Variants in LRRIQ4 observed in about 807,000 individuals in gnomAD.
LRRIQ4 encodes leucine rich repeats and IQ motif containing 4, also known as leucine-rich repeat and IQ domain-containing protein 4.
A neutral mutation model predicts 40.1 loss-of-function variants in LRRIQ4; 21 were observed. The ratio of observed to expected loss-of-function variants is 0.52; its 90% confidence interval spans 0.37 to 0.75. LRRIQ4 has a LOEUF of 0.75. Ranked by LOEUF, LRRIQ4 falls within the 30% of genes least tolerant of loss-of-function variation. LRRIQ4 has a pLI of 0.00. For synonymous variants in LRRIQ4, 277 were observed against 277.1 expected (o/e 1.00, Z 0.00); for missense variants, 655 against 660.0 (o/e 0.99, Z 0.08).
At chr3:169,831,698 G>A (rs537875143) in intron 4 of LRRIQ4, among the ~76,000 whole-genome samples, 13 of 151,170 alleles carry the variant, frequency 8.6e-5, no homozygotes, top group Admixed American at 2.6e-4. Flanking sequence ...GGCCAGGCGC[G>A]GTGCTCACGC....
chr3:169,814,040 T>C (rs1779702254), intron 1 of LRRIQ4, among the ~76,000 whole-genome samples: 1 of 152,112 alleles, frequency 6.6e-6, no homozygotes, highest in Non-Finnish European at 1.5e-5. Flanking sequence ...TATAGGCGGC[T>C]TGCGTCAATC....
In LRRIQ4 at chr3:169,825,200, G is replaced by T. The variant is rs530728780; in HGVS notation, c.1020+2259G>T. Reference sequence around the variant, plus strand: ...TTTATGTATTTTTAGTAGAGGCAGGGTTTCACCATATTGGCCAGGCTGGTC... The same window carrying T: ...TTTATGTATTTTTAGTAGAGGCAGGTTTTCACCATATTGGCCAGGCTGGTC... On this transcript the variant is annotated intron_variant, in intron 2 of 5. Transcript: ENST00000340806. Among the ~76,000 whole-genome samples the T allele has an allele frequency of 7.2e-5, 11 of 151,952 alleles. No homozygotes were observed. The South Asian group carries it at 2.1e-3, about 29-fold the overall frequency.
chr3:169,833,622 T>C (rs985935082), intron 5 of LRRIQ4, among the ~76,000 whole-genome samples: 4 of 152,240 alleles, frequency 2.6e-5, no homozygotes, highest in African/African-American at 9.6e-5. Context: ...GTAATTCTGC[T>C]CTAGCCCTTT....
chr3:169,828,531 G>A (rs193166619), intron 2 of LRRIQ4, among the ~76,000 whole-genome samples: 1 of 152,326 alleles, frequency 6.6e-6, no homozygotes, highest in East Asian at 1.9e-4. Flanking sequence ...ACCGCGCCCA[G>A]CCACAAAAAA....
chr3:169,818,024 A>G (rs1290248614), intron 1 of LRRIQ4, among the ~76,000 whole-genome samples: 1 of 152,206 alleles, frequency 6.6e-6, no homozygotes, highest in Non-Finnish European at 1.5e-5. Flanking sequence ...TGGTGGGGCT[A>G]GCCAGAACTC....
intron 4 of LRRIQ4, 124 bp from the exon 5 acceptor site, chr3:169,832,863 A>T (rs1397234295): frequency 2.5e-6 from 2 of 788,066 alleles, no homozygotes; most frequent in African/African-American, 1.7e-5. Flanking sequence ...GGTCTTGTGC[A>T]TCCTTCCTCT....
chr3:169,821,828 A>T, intron 1 of LRRIQ4, 63 bp from the exon 2 acceptor site: 2 of 804,286 alleles, frequency 2.5e-6, no homozygotes, highest in Non-Finnish European at 3.6e-6. Flanking sequence ...TATTTTTCTT[A>T]AGGATAGCAA....
chr3:169,817,162 T>G (rs572271589), intron 1 of LRRIQ4, among the ~76,000 whole-genome samples: 1 of 152,324 alleles, frequency 6.6e-6, no homozygotes, highest in Admixed American at 6.5e-5. Context: ...TCAATAAATT[T>G]TTTAATTTTC....
In LRRIQ4 at chr3:169,815,107, T is replaced by C. The variant is rs142006005; in HGVS notation, c.-32+2061T>C. The stretch of plus-strand genomic sequence containing the variant: ...TTGTTCTTTTTGCTCAGGTTAGCTT[T>C]GGCTATGCTGGATCTTTTGTGGTTT... On this transcript the variant is annotated intron_variant, in intron 1 of 5. Transcript: ENST00000340806. Among the ~76,000 whole-genome samples the C allele has an allele frequency of 6.8e-4, 104 of 152,356 alleles. No individual in the cohort carries two copies. The Middle Eastern group carries it at 0.01, about 15-fold the overall frequency.
chr3:169,837,558 G>A lies in LRRIQ4; in HGVS notation c.1610G>A (p.Gly537Glu), dbSNP rs1560617685. Reference protein sequence around the residue: ...FGELLKPQKKGKTSPKDKKGK... With the variant: ...FGELLKPQKKEKTSPKDKKGK... Reference sequence around the variant, plus strand: ...GAACTACTAAAACCACAAAAGAAAGGAAAGACCTCTCCAAAAGATAAGAAA... The same window carrying A: ...GAACTACTAAAACCACAAAAGAAAGAAAAGACCTCTCCAAAAGATAAGAAA... Residue 537 changes from glycine to glutamate, a missense_variant, in exon 6 of 6, where the codon GGA becomes GAA. Coordinates refer to ENST00000340806, the MANE Select transcript of LRRIQ4 (RefSeq NM_001080460.3). The A allele has an allele frequency of 1.9e-6, 3 of 1,604,748 alleles. No individual in the cohort carries two copies. The highest frequency in any genetic ancestry group is 2.2e-5 in the East Asian group (1 of 44,708).
chr3:169,820,535 CTTTT>C (rs34109206), intron 1 of LRRIQ4, among the ~76,000 whole-genome samples: 2 of 123,596 alleles, frequency 1.6e-5, no homozygotes, highest in Admixed American at 8.8e-5. Context: ...ATATTGACAT[CTTTT>C]TTTTTTTTTT....
chr3:169,830,341 T>C (rs1437178239), intron 3 of LRRIQ4, 151 bp from the exon 4 acceptor site: 1 of 509,834 alleles, frequency 2.0e-6, no homozygotes, highest in African/African-American at 2.2e-5. Flanking sequence ...ACATGCTTTT[T>C]CCCTTAACTC....
rs56795981 is a variant in LRRIQ4, at chr3:169,830,377, G to GAAAAAAAAAAAAAAAAAAAA, written c.1195-102_1195-83dup. ...AATGCGTAATTTCCCCACTGAAAGTGAAAAAAAAAAAAAAAAAAAAAAAAA... is the reference window on the plus strand; with the variant it reads ...AATGCGTAATTTCCCCACTGAAAGTGAAAAAAAAAAAAAAAAAAAAAAAAAAAAAAAAAAAAAAAAAAAAA... On this transcript the variant is annotated intron_variant, in intron 3 of 5. Coordinates refer to ENST00000340806, the MANE Select transcript of LRRIQ4 (RefSeq NM_001080460.3). 53 of 106,676 alleles carry GAAAAAAAAAAAAAAAAAAAA rather than the reference G, an allele frequency of 5.0e-4. 18 individuals are homozygous for GAAAAAAAAAAAAAAAAAAAA. Among genetic ancestry groups the GAAAAAAAAAAAAAAAAAAAA allele is most frequent in the African/African-American group, 1.5e-3 (25 of 17,220 alleles). The allele number at this position is 106,676 out of a possible 1,614,324, so 6.6% of individuals were successfully genotyped here. A position where few individuals can be genotyped will look rare whatever the true frequency, so the allele number is the denominator to read the frequency against.
chr3:169,826,608 T>C (rs2108270919), intron 2 of LRRIQ4, among the ~76,000 whole-genome samples: 1 of 152,264 alleles, frequency 6.6e-6, no homozygotes. Context: ...TTTTGAACAT[T>C]CAATGTGCTT....
At chr3:169,837,159 A>G (rs1416936820) in intron 5 of LRRIQ4, among the ~76,000 whole-genome samples, 1 of 152,212 alleles carries the variant, frequency 6.6e-6, no homozygotes, top group Non-Finnish European at 1.5e-5. Context: ...ACCGTCTGAC[A>G]AATTGAACAT....
chr3:169,836,115 G>C (rs1780297400), intron 5 of LRRIQ4, among the ~76,000 whole-genome samples: 1 of 151,764 alleles, frequency 6.6e-6, no homozygotes, highest in Non-Finnish European at 1.5e-5. Flanking sequence ...TTAAAATCTA[G>C]TAGGAGGGAA....
intron 3 of LRRIQ4, among the ~76,000 whole-genome samples, chr3:169,829,543 G>A (rs531961666): frequency 1.8e-4 from 25 of 141,584 alleles, no homozygotes; most frequent in South Asian, 6.5e-4. Flanking sequence ...ACAGAGTTTC[G>A]CTCTTGTTGC....
rs528606322 is a variant in LRRIQ4 at position 169,825,594 on chromosome 3, C to T, written c.1020+2653C>T. Reference sequence around the variant, plus strand: ...AGTGAAAGACTTAAAATATAAAGTACATGTGGGAGGGATAACACATTATAC... The same window carrying T: ...AGTGAAAGACTTAAAATATAAAGTATATGTGGGAGGGATAACACATTATAC... On this transcript the variant is annotated intron_variant, in intron 2 of 5. Transcript: ENST00000340806. Among the ~76,000 whole-genome samples, 4 of 152,282 alleles carry T rather than the reference C, an allele frequency of 2.6e-5. No homozygotes were observed. The East Asian group carries it at 5.8e-4, about 22-fold the overall frequency.
In LRRIQ4 at chr3:169,822,441, C is replaced by A. The variant is rs371066810; in HGVS notation, c.520C>A (p.Arg174=). The part of the protein sequence containing the change: ...QTKLREIYLK[R]NQFEVFPQEL... ...CAAGCTGAGGGAGATCTACCTGAAGCGAAACCAGTTTGAAGTTTTCCCCCA... is the reference window on the plus strand; with the variant it reads ...CAAGCTGAGGGAGATCTACCTGAAGAGAAACCAGTTTGAAGTTTTCCCCCA... The change falls in exon 2 of 6, where the codon CGA becomes AGA. Residue 174 remains arginine, a synonymous_variant. Coordinates refer to ENST00000340806, the MANE Select transcript of LRRIQ4 (RefSeq NM_001080460.3). 5 of 1,613,694 alleles carry A rather than the reference C, an allele frequency of 3.1e-6. No homozygotes were observed. In the East Asian group the frequency reaches 1.1e-4, roughly 36 times the overall value.
Sources: gnomAD v4.1 joint callset for allele counts (sites outside exome capture counted in the v4.1 genomes callset) on GRCh38, gnomAD v4.1.1 for gene constraint, MANE v1.5 for transcripts, NCBI Gene and HGNC (gene_info 2026-07-23, HGNC 2026-07-21) for gene names.